The following COL4A3 variants were observed in gnomAD, a reference collection of about 807,000 sequenced individuals.
The protein encoded by COL4A3 is collagen type IV alpha 3 chain.
COL4A3 carries 135 observed loss-of-function variants against 217.4 expected under a neutral mutation model. The ratio of observed to expected loss-of-function variants is 0.62; its 90% CI spans 0.54 to 0.72. The LOEUF is 0.72. Ranked by LOEUF, COL4A3 falls within the 30% of genes least tolerant of loss-of-function variation. The probability of loss-of-function intolerance (pLI) is 0.00; values close to 1 mark genes in which losing one functional copy is unlikely to be tolerated. For missense variants in COL4A3, 1,868 were observed against 2,119.9 expected (o/e 0.88, Z 2.33); for synonymous variants, 690 against 736.3 (o/e 0.94, Z 1.02).
intron 34 of COL4A3, among the ~76,000 whole-genome samples, chr2:227,285,128 G>C (rs1175808523): frequency 6.6e-6 from 1 of 151,708 alleles, no homozygotes; most frequent in Non-Finnish European, 1.5e-5. Flanking sequence ...TGGCAAGAAA[G>C]GAAAAAAGAA....
chr2:227,298,104 T>C (rs1362869664), intron 42 of COL4A3, among the ~76,000 whole-genome samples: 3 of 152,126 alleles, frequency 2.0e-5, no homozygotes, highest in Non-Finnish European at 4.4e-5. Flanking sequence ...TCCCAGCACT[T>C]TGGTAGGCCA....
rs1014824251 is a variant in COL4A3 at position 227,182,671 on chromosome 2, A to G, written c.87+17858A>G. 6.6e-5 allele frequency among the ~76,000 whole-genome samples: 10 copies of G among 152,214 alleles called. No individual in the cohort carries two copies. In the South Asian group the frequency reaches 1.9e-3, roughly 28 times the overall value. On this transcript the variant is annotated intron_variant, in intron 1 of 51. Coordinates refer to ENST00000396578, the MANE Select transcript of COL4A3 (RefSeq NM_000091.5). ...TAATCTCAGAAATAGATTATATAAT[A>G]GCTATATTATTATCTCAGAAGCAAA... is the stretch of plus-strand genomic sequence containing the variant.
chr2:227,266,843 A>T (rs960163662), intron 22 of COL4A3, 150 bp from the exon 23 acceptor site: 7 of 682,124 alleles, frequency 1.0e-5, no homozygotes, highest in African/African-American at 5.4e-5. Flanking sequence ...TAATAAATGA[A>T]TTTTTAAATT....
chr2:227,199,274 C>T (rs1166280284), intron 1 of COL4A3, among the ~76,000 whole-genome samples: 1 of 152,172 alleles, frequency 6.6e-6, no homozygotes, highest in Non-Finnish European at 1.5e-5. Flanking sequence ...CAGAGTTAGT[C>T]ATGAATTTCC....
At chr2:227,297,963 G>A (rs2073104065) in intron 42 of COL4A3, 104 bp downstream of exon 42, 2 of 1,310,034 alleles carry the variant, frequency 1.5e-6, no homozygotes, top group South Asian at 1.3e-5. Flanking sequence ...TTCTTTCCCT[G>A]TGGTCATCTC....
intron 11 of COL4A3, among the ~76,000 whole-genome samples, chr2:227,252,745 T>C (rs2069853383): frequency 1.3e-5 from 2 of 152,192 alleles, no homozygotes; most frequent in Admixed American, 1.3e-4. Flanking sequence ...AAGGGGAAGA[T>C]CTGCATACTC....
At chr2:227,308,721 G>T (rs559972245) in intron 48 of COL4A3, among the ~76,000 whole-genome samples, 178 bp from the exon 49 acceptor site, 1 of 152,332 alleles carries the variant, frequency 6.6e-6, no homozygotes, top group African/African-American at 2.4e-5. Context: ...TTGCCTATTG[G>T]ATCTTTGATT....
chr2:227,231,455 A>T (rs1053406914), intron 1 of COL4A3, among the ~76,000 whole-genome samples: 1 of 152,206 alleles, frequency 6.6e-6, no homozygotes, highest in African/African-American at 2.4e-5. Context: ...ATATGAAATA[A>T]GCACATCATG....
chr2:227,187,628 G>A (rs2066079929), intron 1 of COL4A3, among the ~76,000 whole-genome samples: 1 of 152,192 alleles, frequency 6.6e-6, no homozygotes, highest in Non-Finnish European at 1.5e-5. Flanking sequence ...TTAGGAATAT[G>A]CAGGCTTATT....
chr2:227,223,568 A>C (rs10181970), intron 1 of COL4A3, among the ~76,000 whole-genome samples: 1 of 151,350 alleles, frequency 6.6e-6, no homozygotes, highest in South Asian at 2.1e-4. Context: ...ACGCCCCCCC[A>C]ACTCTACTAA....
intron 43 of COL4A3, among the ~76,000 whole-genome samples, chr2:227,299,071 AG>A (rs1385074171): frequency 6.6e-6 from 1 of 152,166 alleles, no homozygotes; most frequent in African/African-American, 2.4e-5. Flanking sequence ...AGAGAGAATG[AG>A]TGCCAAGCAA....
chr2:227,188,395 G>T (rs192631071), intron 1 of COL4A3, among the ~76,000 whole-genome samples: 69 of 151,880 alleles, frequency 4.5e-4, no homozygotes, highest in Middle Eastern at 3.4e-3. Context: ...TCTTTTTAAA[G>T]CTCAGCGAGC....
chr2:227,193,710 GAAAA>G (rs1157897233), intron 1 of COL4A3, among the ~76,000 whole-genome samples: 1 of 117,288 alleles, frequency 8.5e-6, no homozygotes, highest in Non-Finnish European at 1.8e-5. Flanking sequence ...GGCAAAAGAA[GAAAA>G]AAGAAAGAAA....
intron 1 of COL4A3, among the ~76,000 whole-genome samples, chr2:227,188,022 C>G (rs550525533): frequency 7.2e-5 from 11 of 152,156 alleles, no homozygotes; most frequent in Non-Finnish European, 1.2e-4. Flanking sequence ...AACAAACAAA[C>G]AGCAGCCCCC....
chr2:227,225,704 T>A lies in COL4A3; in HGVS notation c.88-12264T>A, dbSNP rs1487611715. On this transcript the variant is annotated intron_variant, in intron 1 of 51. Transcript: ENST00000396578. ...TTCCCATGTTAAGGGAACAGCTTTT[T>A]CTTTCTTTTTTTTTTTTTTTTTTGT... 3.8e-5 allele frequency among the ~76,000 whole-genome samples: 5 copies of A among 130,244 alleles called. No homozygotes were observed. In the East Asian group the frequency reaches 1.0e-3, roughly 27 times the overall value. The allele number at this position is 130,244 out of a possible 152,430, so 85.4% of individuals were successfully genotyped here. A position where few individuals can be genotyped will look rare whatever the true frequency, so the allele number is the denominator to read the frequency against.
rs1559821865 is a variant in COL4A3, at chr2:227,203,249, ATGTATATATACATATATGTGTATATATG to A, written c.88-34666_88-34639del. Reference sequence around the variant, plus strand: ...TGTATATATGTGTATATATACATATATGTATATATACATATATGTGTATATATGTGTATATATACATATATGTGTATAT... The same window carrying A: ...TGTATATATGTGTATATATACATATATGTATATATACATATATGTGTATAT... On this transcript the variant is annotated intron_variant, in intron 1 of 51. Transcript: ENST00000396578. Among the ~76,000 whole-genome samples, 115 of 15,554 alleles carry A rather than the reference ATGTATATATACATATATGTGTATATATG, an allele frequency of 7.4e-3. 29 individuals are homozygous for A. Among genetic ancestry groups the A allele is most frequent in the African/African-American group, 0.022 (105 of 4,710 alleles). 10.2% of individuals were successfully genotyped at this position (15,554 alleles called of 152,430 possible).
chr2:227,222,122 CTAATAATAA>C lies in COL4A3; in HGVS notation c.88-15811_88-15803del, dbSNP rs367763401. On this transcript the variant is annotated intron_variant, in intron 1 of 51. Coordinates refer to ENST00000396578, the MANE Select transcript of COL4A3 (RefSeq NM_000091.5). The stretch of plus-strand genomic sequence containing the variant: ...TGGACAACATACGGAGACACTGTCT[CTAATAATAA>C]TAATAATAATAATAATAATAATAAT... 6.0e-3 allele frequency among the ~76,000 whole-genome samples: 630 copies of C among 105,272 alleles called. 4 individuals are homozygous for C. Among genetic ancestry groups the C allele is most frequent in the African/African-American group, 0.019 (585 of 30,210 alleles). The allele number at this position is 105,272 out of a possible 152,430, so 69.1% of individuals were successfully genotyped here. A position where few individuals can be genotyped will look rare whatever the true frequency, so the allele number is the denominator to read the frequency against.
intron 1 of COL4A3, among the ~76,000 whole-genome samples, chr2:227,212,346 C>CCCTA (rs1262238514): frequency 1.3e-5 from 2 of 152,234 alleles, no homozygotes; most frequent in East Asian, 3.9e-4. Flanking sequence ...TGATATCTTT[C>CCCTA]CCTACCCCAA....
chr2:227,219,770 TTA>T (rs924207907), intron 1 of COL4A3, among the ~76,000 whole-genome samples: 18 of 152,206 alleles, frequency 1.2e-4, no homozygotes, highest in Non-Finnish European at 2.6e-4. Context: ...GTTATATATT[TTA>T]TATAGTTAAA....
Sources: allele counts gnomAD v4.1 joint callset (sites outside exome capture counted in the v4.1 genomes callset), GRCh38; gene constraint gnomAD v4.1.1; transcripts MANE v1.5; gene names NCBI Gene and HGNC (gene_info 2026-07-23, HGNC 2026-07-21).